Variants in LRRC8C observed in about 807,000 individuals in gnomAD.
The protein encoded by LRRC8C is leucine rich repeat containing 8 VRAC subunit C.
A neutral mutation model predicts 55.3 loss-of-function variants in LRRC8C; 20 were observed. The observed-to-expected ratio is 0.36, with a 90% CI of 0.25 to 0.53. LRRC8C has a LOEUF of 0.53. Among genes scored for constraint, LRRC8C ranks in the 20% least tolerant of loss-of-function variants. The probability of loss-of-function intolerance (pLI) is 0.92; values close to 1 mark genes in which losing one functional copy is unlikely to be tolerated. For synonymous variants in LRRC8C, 376 were observed against 360.7 expected (o/e 1.04, Z -0.48); for missense variants, 659 against 951.4 (o/e 0.69, Z 4.04).
intron 1 of LRRC8C, among the ~76,000 whole-genome samples, chr1:89,636,046 A>G (rs1231287524): frequency 2.0e-5 from 3 of 152,224 alleles, no homozygotes; most frequent in Non-Finnish European, 4.4e-5. Flanking sequence ...GCCTCCAGAA[A>G]AAGCTGCTGT....
intron 2 of LRRC8C, chr1:89,706,546 A>G: frequency 3.0e-6 from 1 of 329,488 alleles, no homozygotes; most frequent in South Asian, 2.4e-5. Context: ...TATGACTTAA[A>G]ATAGTGAAAA....
At chr1:89,689,066 GT>G (rs1436103968) in intron 2 of LRRC8C, among the ~76,000 whole-genome samples, 19 of 152,356 alleles carry the variant, frequency 1.2e-4, no homozygotes, top group African/African-American at 4.6e-4. Context: ...TACATGGACA[GT>G]TGTGAAGATT....
intron 1 of LRRC8C, among the ~76,000 whole-genome samples, chr1:89,684,557 A>G (rs1039906694): frequency 6.6e-6 from 1 of 152,238 alleles, no homozygotes; most frequent in African/African-American, 2.4e-5. Context: ...CTTGGAAGTC[A>G]AGATGAATTT....
intron 1 of LRRC8C, among the ~76,000 whole-genome samples, chr1:89,660,899 G>T (rs940818371): frequency 5.3e-5 from 8 of 152,214 alleles, no homozygotes; most frequent in African/African-American, 1.9e-4. Flanking sequence ...TCATGCAGCA[G>T]TTTAAAGCCT....
At chr1:89,701,589 G>T (rs115910606) in intron 2 of LRRC8C, among the ~76,000 whole-genome samples, 1,705 of 152,240 alleles carry the variant, frequency 0.011, 34 homozygotes, top group African/African-American at 0.038. Flanking sequence ...AAGAAATTCG[G>T]CCTTTCTGGT....
chr1:89,643,507 T>A (rs1050477181), intron 1 of LRRC8C, among the ~76,000 whole-genome samples: 1 of 152,248 alleles, frequency 6.6e-6, no homozygotes, highest in African/African-American at 2.4e-5. Flanking sequence ...CCTATTTATG[T>A]CACATTTTAT....
At chr1:89,644,587 T>C (rs1656561293) in intron 1 of LRRC8C, among the ~76,000 whole-genome samples, 1 of 152,226 alleles carries the variant, frequency 6.6e-6, no homozygotes, top group Admixed American at 6.5e-5. Context: ...ACCCAGTCCA[T>C]ATGGTCTACA....
chr1:89,692,557 C>A (rs143491237), intron 2 of LRRC8C, among the ~76,000 whole-genome samples: 31 of 152,338 alleles, frequency 2.0e-4, no homozygotes, highest in African/African-American at 7.0e-4. Flanking sequence ...AGAACCAGCA[C>A]TTTTGCCTTA....
intron 2 of LRRC8C, among the ~76,000 whole-genome samples, chr1:89,695,897 T>C (rs958428673): frequency 1.3e-5 from 2 of 152,214 alleles, no homozygotes; most frequent in Non-Finnish European, 2.9e-5. Context: ...ATCACTTCCA[T>C]TTTACAGTTT....
chr1:89,663,175 G>A (rs992012440), intron 1 of LRRC8C, among the ~76,000 whole-genome samples: 11 of 152,182 alleles, frequency 7.2e-5, no homozygotes, highest in Non-Finnish European at 1.0e-4. Context: ...TGGCTACATA[G>A]TATTCCATGG....
At chr1:89,629,443 A>T (rs1656050611), upstream of LRRC8C, among the ~76,000 whole-genome samples, 1 of 152,232 alleles carries the variant, frequency 6.6e-6, no homozygotes, top group Non-Finnish European at 1.5e-5. Context: ...GCAAAACAAA[A>T]CAAGAATAGC....
chr1:89,685,393 G>A (rs550021319), intron 1 of LRRC8C, among the ~76,000 whole-genome samples: 8 of 152,136 alleles, frequency 5.3e-5, no homozygotes, highest in African/African-American at 1.2e-4. Flanking sequence ...GGGATTACAG[G>A]CGTGAGCCAC....
chr1:89,623,963 G>A, the LRRC8C span, among the ~76,000 whole-genome samples: 3 of 152,180 alleles, frequency 2.0e-5, no homozygotes, highest in Admixed American at 6.5e-5. Context: ...GGTATAAGAC[G>A]TGAAAAGTCC....
In LRRC8C at chr1:89,633,168, C is replaced by G. The variant is rs1368490648; in HGVS notation, c.-159C>G. ...CCCGCGAAGAGAAGTAGGAGGAAGGCGCCGCCGTGGCCGCGGCCGCAGTGC... is the reference window on the plus strand; with the variant it reads ...CCCGCGAAGAGAAGTAGGAGGAAGGGGCCGCCGTGGCCGCGGCCGCAGTGC... On this transcript the variant is annotated 5_prime_UTR_variant, in exon 1 of 3. Coordinates refer to ENST00000370454, the MANE Select transcript of LRRC8C (RefSeq NM_032270.5). 1 of 152,098 alleles carries G rather than the reference C, an allele frequency of 6.6e-6. No individual in the cohort carries two copies. The highest frequency in any genetic ancestry group is 1.5e-5 in the Non-Finnish European group (1 of 68,024). 9.4% of individuals were successfully genotyped at this position (152,098 alleles called of 1,614,324 possible).
At chr1:89,684,607 A>C (rs766986009) in intron 1 of LRRC8C, among the ~76,000 whole-genome samples, 1 of 152,214 alleles carries the variant, frequency 6.6e-6, no homozygotes, top group Admixed American at 6.5e-5. Flanking sequence ...TGTGACTATC[A>C]AACATTTGGG....
At chr1:89,650,929 T>C (rs913329196) in intron 1 of LRRC8C, among the ~76,000 whole-genome samples, 1 of 152,198 alleles carries the variant, frequency 6.6e-6, no homozygotes, top group Non-Finnish European at 1.5e-5. Context: ...AGATGGCAAG[T>C]CATTTTAAGC....
upstream of LRRC8C, among the ~76,000 whole-genome samples, chr1:89,631,281 A>C (rs1181608433): frequency 6.6e-6 from 1 of 152,128 alleles, no homozygotes; most frequent in Non-Finnish European, 1.5e-5. Context: ...AAGAACAGTA[A>C]ATTTCCTAAG....
chr1:89,705,697 T>C (rs1377223852), intron 2 of LRRC8C, among the ~76,000 whole-genome samples: 1 of 151,990 alleles, frequency 6.6e-6, no homozygotes, highest in Non-Finnish European at 1.5e-5. Flanking sequence ...TGGAAAATTC[T>C]TTAACCCGGG....
At chr1:89,617,375 A>G in the LRRC8C span, among the ~76,000 whole-genome samples, 7 of 152,192 alleles carry the variant, frequency 4.6e-5, no homozygotes, top group Non-Finnish European at 1.0e-4. Context: ...AGTCAAAACT[A>G]TGTTGACTCC....
Sources: allele counts gnomAD v4.1 joint callset (sites outside exome capture counted in the v4.1 genomes callset), GRCh38; gene constraint gnomAD v4.1.1; transcripts MANE v1.5; gene names NCBI Gene and HGNC (gene_info 2026-07-23, HGNC 2026-07-21).